ADAMTSL1: variants seen among roughly 807,000 people sequenced by gnomAD.
The protein encoded by ADAMTSL1 is ADAMTS like 1, also known as ADAMTS-like protein 1.
In ADAMTSL1, 126 loss-of-function variants were observed where a neutral mutation model predicts 201.8. That is an observed-to-expected ratio of 0.62 (90% confidence interval 0.54 to 0.72). The LOEUF is 0.72. ADAMTSL1 is among the 30% of genes least tolerant of loss of function. The pLI is 0.00. For synonymous variants in ADAMTSL1, 1,121 were observed against 903.4 expected (o/e 1.24, Z -4.32); for missense variants, 2,679 against 2,277.8 (o/e 1.18, Z -3.59).
rs528324312 is a variant in ADAMTSL1, at chr9:17,968,210, A to C, written c.87+61288A>C. On this transcript the variant is annotated intron_variant, in intron 1 of 29. Coordinates refer to the ADAMTSL1 transcript ENST00000680146. ...TGATCTCTTTATCCTCCTCCATCTC[A>C]TGATGCAATACGTATTTATTCTATA... Among the ~76,000 whole-genome samples the C allele has an allele frequency of 2.0e-5, 3 of 151,988 alleles. No homozygotes were observed. In the South Asian group the frequency reaches 6.2e-4, roughly 32 times the overall value.
At chr9:18,306,187 G>T (rs1202048470) in intron 2 of ADAMTSL1, among the ~76,000 whole-genome samples, 1 of 152,110 alleles carries the variant, frequency 6.6e-6, no homozygotes, top group Admixed American at 6.5e-5. Flanking sequence ...CACATCCGAA[G>T]ATCACCAACA....
At chr9:18,099,347 ATATATATATTTTTTTT>A (rs1324691336) in intron 1 of ADAMTSL1, among the ~76,000 whole-genome samples, 3 of 47,336 alleles carry the variant, frequency 6.3e-5, no homozygotes, top group African/African-American at 2.3e-4. Flanking sequence ...ATATATATAT[ATATATATATTTTTTTT>A]TTTTTTTTTA....
intron 1 of ADAMTSL1, among the ~76,000 whole-genome samples, chr9:18,142,946 T>C (rs879423746): frequency 2.2e-4 from 33 of 152,256 alleles, no homozygotes; most frequent in East Asian, 1.9e-4. Context: ...TTTGGTATGG[T>C]TTTGAAGATG....
intron 1 of ADAMTSL1, among the ~76,000 whole-genome samples, chr9:18,158,749 T>C (rs1176284255): frequency 6.6e-6 from 1 of 152,076 alleles, no homozygotes; most frequent in Non-Finnish European, 1.5e-5. Flanking sequence ...ATCAATATTT[T>C]AGTCCTTTGT....
intron 2 of ADAMTSL1, among the ~76,000 whole-genome samples, chr9:18,417,367 G>GAAAAAAAAAAAAAAAAAAAA (rs80226819): frequency 1.5e-5 from 1 of 64,688 alleles, no homozygotes; most frequent in East Asian, 3.7e-4. Flanking sequence ...AAGTAAGCAG[G>GAAAAAAAAAAAAAAAAAAAA]AAAAAAAAAA....
At chr9:18,003,897 A>G (rs1397407448) in intron 1 of ADAMTSL1, among the ~76,000 whole-genome samples, 1 of 152,074 alleles carries the variant, frequency 6.6e-6, no homozygotes, top group East Asian at 1.9e-4. Flanking sequence ...AAGTACACTT[A>G]GGTTTTACAT....
At chr9:18,902,745 A>G (rs1401539241) in intron 26 of ADAMTSL1, among the ~76,000 whole-genome samples, 1 of 152,180 alleles carries the variant, frequency 6.6e-6, no homozygotes, top group African/African-American at 2.4e-5. Context: ...GATAATAAAG[A>G]TTAGAGAATA....
intron 1 of ADAMTSL1, among the ~76,000 whole-genome samples, chr9:18,044,588 A>G (rs1319761581): frequency 1.3e-5 from 2 of 152,144 alleles, no homozygotes; most frequent in Admixed American, 6.5e-5. Context: ...GCATCTTACT[A>G]CCAATTAGTG....
intron 1 of ADAMTSL1, among the ~76,000 whole-genome samples, chr9:18,002,628 AG>A (rs914122612): frequency 1.3e-5 from 2 of 151,966 alleles, no homozygotes; most frequent in Non-Finnish European, 2.9e-5. Flanking sequence ...AGCTTTGATG[AG>A]TTTGGGAATG....
chr9:18,113,649 C>T (rs762768252), intron 1 of ADAMTSL1, among the ~76,000 whole-genome samples: 2 of 152,016 alleles, frequency 1.3e-5, no homozygotes, highest in African/African-American at 2.4e-5. Context: ...GTCTTCAGCA[C>T]GTGAGTGATT....
At chr9:18,637,865 C>G (rs1304010905) in intron 6 of ADAMTSL1, among the ~76,000 whole-genome samples, 1 of 152,056 alleles carries the variant, frequency 6.6e-6, no homozygotes, top group African/African-American at 2.4e-5. Flanking sequence ...TTGAGAAGGA[C>G]AGCTGTAAGC....
chr9:17,927,944 A>T lies in ADAMTSL1; in HGVS notation c.87+21022A>T, dbSNP rs1055663342. Among the ~76,000 whole-genome samples, 8 of 150,552 alleles carry T rather than the reference A, an allele frequency of 5.3e-5. No individual in the cohort carries two copies. The East Asian group carries it at 1.2e-3, about 22-fold the overall frequency. ...TGTGAATAATGTTGCTATGAAATTG[A>T]TGTTCCATTTTGCTTTATGTGTGGT... On this transcript the variant is annotated intron_variant, in intron 1 of 29. Transcript: ENST00000680146.
At chr9:18,471,948 C>T (rs1201699781), upstream of ADAMTSL1, among the ~76,000 whole-genome samples, 1 of 152,202 alleles carries the variant, frequency 6.6e-6, no homozygotes, top group Non-Finnish European at 1.5e-5. Flanking sequence ...TCTGACCATG[C>T]TGATTATTTT....
intron 15 of ADAMTSL1, among the ~76,000 whole-genome samples, chr9:18,738,684 C>G (rs926390544): frequency 6.6e-6 from 1 of 152,144 alleles, no homozygotes; most frequent in Admixed American, 6.5e-5. Context: ...CTAGAAAATT[C>G]TCTGTGGCCT....
At position 18,450,367 on chromosome 9, in the gene ADAMTSL1, C is replaced by A. The variant is rs560115728; in HGVS notation, c.208-54462C>A. Among the ~76,000 whole-genome samples the A allele has an allele frequency of 2.6e-5, 4 of 152,158 alleles. No individual in the cohort carries two copies. The East Asian group carries it at 7.7e-4, about 29-fold the overall frequency. Reference sequence around the variant, plus strand: ...TGTATTCAACTTATACCTCAATAAACTTGATGTTTTTAAAAAAACACACTT... The same window carrying A: ...TGTATTCAACTTATACCTCAATAAAATTGATGTTTTTAAAAAAACACACTT... On this transcript the variant is annotated intron_variant, in intron 2 of 29. Coordinates refer to the ADAMTSL1 transcript ENST00000680146.
chr9:18,721,687 CT>C, intron 15 of ADAMTSL1, 22 bp downstream of exon 15: 1 of 1,612,558 alleles, frequency 6.2e-7, no homozygotes. Flanking sequence ...GTGGCCTGCC[CT>C]GCTGTCCAGG....
At chr9:18,311,709 A>G (rs73428986) in intron 2 of ADAMTSL1, among the ~76,000 whole-genome samples, 10,541 of 152,240 alleles carry the variant, frequency 0.069, 1,186 homozygotes, top group African/African-American at 0.24. Context: ...GGAGCCCTGA[A>G]TGTGTCATAT....
intron 1 of ADAMTSL1, among the ~76,000 whole-genome samples, chr9:17,917,602 T>C (rs929049919): frequency 6.6e-6 from 1 of 152,050 alleles, no homozygotes; most frequent in African/African-American, 2.4e-5. Flanking sequence ...AAATTTTGTT[T>C]AGAATTTTTA....
At chr9:18,024,168 G>A (rs1415386218) in intron 1 of ADAMTSL1, among the ~76,000 whole-genome samples, 1 of 151,844 alleles carries the variant, frequency 6.6e-6, no homozygotes, top group Non-Finnish European at 1.5e-5. Context: ...CTTGATAATT[G>A]TAAATGTTTT....
Sources: allele counts gnomAD v4.1 joint callset (sites outside exome capture counted in the v4.1 genomes callset), GRCh38; gene constraint gnomAD v4.1.1; transcripts MANE v1.5; gene names NCBI Gene and HGNC (gene_info 2026-07-23, HGNC 2026-07-21).